The following TMEM106C variants were observed in gnomAD, a reference collection of about 807,000 sequenced individuals.
The protein encoded by TMEM106C is transmembrane protein 106C.
Under a neutral mutation model 30.8 loss-of-function variants are expected in TMEM106C, and 27 were observed. That is an observed-to-expected ratio of 0.88 (90% CI 0.65 to 1.21). The LOEUF (loss-of-function observed/expected upper bound fraction) is 1.21, where lower values mean the gene tolerates loss of function less well. Ranked by LOEUF, TMEM106C falls within the 50% of genes most tolerant of loss-of-function variation. The pLI, the probability that TMEM106C is intolerant of heterozygous loss-of-function variation, is 0.00. For synonymous variants in TMEM106C, 123 were observed against 118.8 expected, an observed-to-expected ratio of 1.04 and a Z score of -0.23; for missense variants, 288 against 307.8, an observed-to-expected ratio of 0.94 and a Z score of 0.48.
In TMEM106C at chr12:47,968,617, C is replaced by G; in HGVS notation, c.*388C>G. On this transcript the variant is annotated 3_prime_UTR_variant, in exon 8 of 8. Transcript: ENST00000429772. Reference sequence around the variant, plus strand: ...CTGCAGGCCATTATCAGTGCCTCATCTGTGCAGAAGTGGCAGCAGAGAGGG... The same window carrying G: ...CTGCAGGCCATTATCAGTGCCTCATGTGTGCAGAAGTGGCAGCAGAGAGGG... The G allele has an allele frequency of 2.9e-6, 1 of 347,388 alleles. No homozygotes were observed. The highest frequency in any genetic ancestry group is 5.6e-6 in the Non-Finnish European group (1 of 177,138). 21.5% of individuals were successfully genotyped at this position (347,388 alleles called of 1,614,324 possible). A position where few individuals can be genotyped will look rare whatever the true frequency, so the allele number is the denominator to read the frequency against.
At position 47,966,747 on chromosome 12, in the gene TMEM106C, C is replaced by G; in HGVS notation, c.602+15C>G. 6.2e-7 allele frequency: 1 copy of G among 1,613,692 alleles called. No homozygotes were observed. Among genetic ancestry groups the G allele is most frequent in the Non-Finnish European group, 8.5e-7 (1 of 1,179,618 alleles). ...TCCTATGTGTAGTAAGGACACTGTT[C>G]TCTCTGTGTGTGCTCTCTACTGGAG... On this transcript the variant is annotated intron_variant, in intron 6 of 7. Transcript: ENST00000429772.
intron 6 of TMEM106C, 75 bp from the exon 7 acceptor site, chr12:47,967,133 A>G (rs929469260): frequency 4.0e-6 from 6 of 1,488,164 alleles, no homozygotes; most frequent in Non-Finnish European, 5.6e-6. Context: ...CAAACAGGAC[A>G]GTGTAACTCT....
At chr12:47,967,391 C>A in intron 7 of TMEM106C, 130 bp downstream of exon 7, 1 of 853,980 alleles carries the variant, frequency 1.2e-6, no homozygotes, top group Non-Finnish European at 2.0e-6. Context: ...CTCACAGGCA[C>A]AGATACAGTA....
At chr12:47,964,778 G>A in intron 2 of TMEM106C, 1 of 337,026 alleles carries the variant, frequency 3.0e-6, no homozygotes, top group Non-Finnish European at 5.6e-6. Context: ...TCAAGGAAAT[G>A]GGTAGCTAAT....
chr12:47,967,132 C>A, intron 6 of TMEM106C, 76 bp from the exon 7 acceptor site: 1 of 1,480,950 alleles, frequency 6.8e-7, no homozygotes, highest in Non-Finnish European at 9.4e-7. Flanking sequence ...CCAAACAGGA[C>A]AGTGTAACTC....
chr12:47,964,535 C>T, intron 2 of TMEM106C, 112 bp downstream of exon 2: 1 of 984,216 alleles, frequency 1.0e-6, no homozygotes, highest in Non-Finnish European at 1.5e-6. Flanking sequence ...GAGACAGTGC[C>T]CTGGACAGGA....
Position 47,965,917 on chromosome 12 carries a change from G to C in TMEM106C, c.331G>C (p.Val111Leu). Residue 111 changes from valine to leucine, a missense_variant, in exon 4 of 8, where the codon GTC (valine) becomes CTC (leucine). Physicochemically the swap from Val to Leu is conservative, Grantham distance 32. Transcript: ENST00000429772. ...GGTTTTCTTCCTGTTTCCGCATTCAGTCCTTGTGGATGATGACGGCATCAA... is the reference window on the plus strand; with the variant it reads ...GGTTTTCTTCCTGTTTCCGCATTCACTCCTTGTGGATGATGACGGCATCAA... ...LVVFFLFPHS[V>L]LVDDDGIKVV... The C allele has an allele frequency of 1.2e-6, 2 of 1,614,222 alleles. No individual in the cohort carries two copies. The highest frequency in any genetic ancestry group is 1.7e-6 in the Non-Finnish European group (2 of 1,180,050).
intron 3 of TMEM106C, 27 bp downstream of exon 3, chr12:47,965,372 A>G: frequency 6.3e-7 from 1 of 1,598,652 alleles, no homozygotes; most frequent in Non-Finnish European, 8.6e-7. Context: ...TCACCTGTTA[A>G]TACCTACTTC....
Position 47,965,277 on chromosome 12 carries a change from T to G in TMEM106C, c.188-5T>G, listed in dbSNP as rs758724206. ...TTACAAAATAATTGTTTGGCTCTTT[T>G]CTAGAGCAAGTAAATGAGTTGGTGG... On this transcript the variant is annotated splice_polypyrimidine_tract_variant and splice_region_variant and intron_variant, in intron 2 of 7. Transcript: ENST00000429772. The G allele has an allele frequency of 2.5e-6, 4 of 1,613,592 alleles. No individual in the cohort carries two copies. The highest frequency in any genetic ancestry group is 3.4e-6 in the Non-Finnish European group (4 of 1,179,732).
chr12:47,964,484 C>A, intron 2 of TMEM106C, 61 bp downstream of exon 2: 1 of 1,552,702 alleles, frequency 6.4e-7, no homozygotes, highest in Non-Finnish European at 8.8e-7. Flanking sequence ...GTTCTCCTGT[C>A]TGCCCAGACA....
In TMEM106C at chr12:47,968,309, C is replaced by A. The variant is rs749153120; in HGVS notation, c.*80C>A. ...TCCCAAGGCCTGAGTTCTGGACCTA[C>A]CCCCACGTGGTGTAAGCAGAGGAGG... is the stretch of plus-strand genomic sequence containing the variant. On this transcript the variant is annotated 3_prime_UTR_variant, in exon 8 of 8. Coordinates refer to ENST00000429772, the MANE Select transcript of TMEM106C (RefSeq NM_001143842.2). The A allele has an allele frequency of 4.6e-5, 51 of 1,108,274 alleles. No individual in the cohort carries two copies. The highest frequency in any genetic ancestry group is 7.0e-5 in the Non-Finnish European group (51 of 729,864). 68.7% of individuals were successfully genotyped at this position (1,108,274 alleles called of 1,614,324 possible).
chr12:47,965,489 T>C, intron 3 of TMEM106C, 144 bp downstream of exon 3: 2 of 763,830 alleles, frequency 2.6e-6, no homozygotes, highest in Non-Finnish European at 4.3e-6. Context: ...CCAAGCAAGA[T>C]ATCTCTGCCC....
At chr12:47,963,866 C>T in intron 1 of TMEM106C, 162 bp downstream of exon 1, 1 of 279,796 alleles carries the variant, frequency 3.6e-6, no homozygotes, top group Admixed American at 5.0e-5. Flanking sequence ...GTTTGTTGCT[C>T]GAGGAGGGGC....
chr12:47,966,060 C>T, intron 4 of TMEM106C, 29 bp from the exon 5 acceptor site: 1 of 1,613,828 alleles, frequency 6.2e-7, no homozygotes, highest in Non-Finnish European at 8.5e-7. Flanking sequence ...AGGACACTTA[C>T]ACTTGTTTCC....
chr12:47,965,708 G>T lies in TMEM106C; in HGVS notation c.252-130G>T, dbSNP rs773666348. The T allele has an allele frequency of 4.3e-6, 5 of 1,157,266 alleles. No individual in the cohort carries two copies. In the East Asian group the frequency reaches 9.4e-5, roughly 22 times the overall value. The allele number at this position is 1,157,266 out of a possible 1,614,324, so 71.7% of individuals were successfully genotyped here. On this transcript the variant is annotated intron_variant, in intron 3 of 7. Coordinates refer to ENST00000429772, the MANE Select transcript of TMEM106C (RefSeq NM_001143842.2). Reference sequence around the variant, plus strand: ...TCTCCTGCTTCACTGCTTCTTAACTGGTTTATGGTTCCTGGCTCTTGGAAC... The same window carrying T: ...TCTCCTGCTTCACTGCTTCTTAACTTGTTTATGGTTCCTGGCTCTTGGAAC...
chr12:47,968,793 C>A lies in TMEM106C; in HGVS notation c.*564C>A, dbSNP rs771576958. ...AGTTAGAATTGTTTTTACCAAGAGT[C>A]TATGTGGGGCTTGATTCACCCTTCA... On this transcript the variant is annotated 3_prime_UTR_variant, in exon 8 of 8. Coordinates refer to ENST00000429772, the MANE Select transcript of TMEM106C (RefSeq NM_001143842.2). 6.2e-6 allele frequency: 1 copy of A among 162,524 alleles called. No homozygotes were observed. Among genetic ancestry groups the A allele is most frequent in the Non-Finnish European group, 1.3e-5 (1 of 75,026 alleles). 10.1% of individuals were successfully genotyped at this position (162,524 alleles called of 1,614,324 possible). A position where few individuals can be genotyped will look rare whatever the true frequency, so the allele number is the denominator to read the frequency against.
Position 47,966,694 on chromosome 12 carries a change from C to T in TMEM106C, c.564C>T (p.Thr188=), listed in dbSNP as rs148733943. ...PPRSEQLVNF[T]GKAEMGGPFS... is the part of the protein sequence containing the mutation. ...TATCTTATTTTCAGGTGAATTTTAC[C>T]GGGAAGGCCGAGATGGGAGGACCGT... The change falls in exon 6 of 8, where the codon ACC becomes ACT. Residue 188 remains threonine, a synonymous_variant. Coordinates refer to ENST00000429772, the MANE Select transcript of TMEM106C (RefSeq NM_001143842.2). 53 of 1,614,094 alleles carry T rather than the reference C, an allele frequency of 3.3e-5. No homozygotes were observed. Among genetic ancestry groups the T allele is most frequent in the East Asian group, 1.6e-4 (7 of 44,878 alleles).
intron 1 of TMEM106C, 181 bp from the exon 2 acceptor site, chr12:47,964,028 T>G (rs914687134): frequency 3.4e-6 from 2 of 587,430 alleles, no homozygotes; most frequent in Admixed American, 3.0e-5. Flanking sequence ...GTGTGGCGGG[T>G]AAGAGGAGAG....
chr12:47,965,941 A>G lies in TMEM106C; in HGVS notation c.355A>G (p.Lys119Glu). 1.2e-6 allele frequency: 2 copies of G among 1,614,250 alleles called. No individual in the cohort carries two copies. Among genetic ancestry groups the G allele is most frequent in the African/African-American group, 1.3e-5 (1 of 75,070 alleles). The change falls in exon 4 of 8, where the codon AAA becomes GAA. Residue 119 changes from lysine (K) to glutamate (E), a missense_variant. Transcript: ENST00000429772. ...HSVLVDDDGI[K>E]VVKVTFNKQD... Reference sequence around the variant, plus strand: ...AGTCCTTGTGGATGATGACGGCATCAAAGTGGTGAAAGTCACATTTAATAA... The same window carrying G: ...AGTCCTTGTGGATGATGACGGCATCGAAGTGGTGAAAGTCACATTTAATAA...
Sources: gnomAD v4.1 joint callset for allele counts on GRCh38, gnomAD v4.1.1 for gene constraint, MANE v1.5 for transcripts, NCBI Gene and HGNC (gene_info 2026-07-23, HGNC 2026-07-21) for gene names.